TMEM165: variants seen among roughly 807,000 people sequenced by gnomAD.
TMEM165 encodes the protein transmembrane protein 165, also known as putative divalent cation/proton antiporter TMEM165.
A neutral mutation model predicts 30.0 loss-of-function variants in TMEM165; 19 were observed. The ratio of observed to expected loss-of-function variants is 0.63; its 90% CI spans 0.44 to 0.93. The LOEUF (loss-of-function observed/expected upper bound fraction) is 0.93. TMEM165 is among the 40% of genes least tolerant of loss of function. The pLI is 0.00. For synonymous variants in TMEM165, 168 were observed against 162.9 expected (o/e 1.03, Z -0.24); for missense variants, 340 against 417.0 (o/e 0.82, Z 1.61).
At chr4:55,435,727 C>T in intron 3 of TMEM165, 2 of 912,278 alleles carry the variant, frequency 2.2e-6, no homozygotes, top group South Asian at 1.4e-5. Context: ...CTTTCACTCT[C>T]TGGTTTAAAA....
At chr4:55,423,950 T>C (rs1722092088) in intron 4 of TMEM165, 2 of 152,442 alleles carry the variant, frequency 1.3e-5, no homozygotes, top group Admixed American at 6.5e-5. Context: ...CAAAACAAAA[T>C]CACATTCTCA....
At chr4:55,427,222 A>ATGAT (rs1394319522), downstream of TMEM165, among the ~76,000 whole-genome samples, 1 of 148,820 alleles carries the variant, frequency 6.7e-6, no homozygotes, top group East Asian at 2.0e-4. Flanking sequence ...TTTAGTAGAG[A>ATGAT]TGATGGAGTT....
chr4:55,418,222 G>A, intron 4 of TMEM165: 1 of 390,600 alleles, frequency 2.6e-6, no homozygotes, highest in Non-Finnish European at 4.5e-6. Flanking sequence ...TTTCCCTTTG[G>A]TTTTGCCAAA....
At chr4:55,427,364 A>AAT (rs767221436), downstream of TMEM165, among the ~76,000 whole-genome samples, 1 of 150,588 alleles carries the variant, frequency 6.6e-6, no homozygotes, top group Non-Finnish European at 1.5e-5. Flanking sequence ...GTTTGGAGAC[A>AAT]ATCTATCTCA....
At chr4:55,435,389 T>C in intron 3 of TMEM165, 1 of 1,613,364 alleles carries the variant, frequency 6.2e-7, no homozygotes, top group Non-Finnish European at 8.5e-7. Flanking sequence ...CTTCCTCCCT[T>C]GATGTCAAGA....
chr4:55,443,855 G>A lies in TMEM165; in HGVS notation c.409-8384G>A, dbSNP rs749778633. 8.7e-6 allele frequency: 14 copies of A among 1,613,088 alleles called. 1 individual carries two copies. The highest frequency in any genetic ancestry group is 5.3e-5 in the African/African-American group (4 of 74,832). The stretch of plus-strand genomic sequence containing the variant: ...ATGAATTTCCAGAAGAAAGTTGAAC[G>A]GAACCAAAATTCAACCCAGGATTTG... On this transcript the variant is annotated intron_variant, in intron 3 of 3. Transcript: ENST00000608091.
chr4:55,425,589 G>GTC lies in TMEM165; in HGVS notation c.*139_*140dup. The GTC allele has an allele frequency of 1.6e-6, 1 of 637,048 alleles. No homozygotes were observed. The highest frequency in any genetic ancestry group is 2.2e-5 in the South Asian group (1 of 46,320). The allele number at this position is 637,048 out of a possible 1,614,324, so 39.5% of individuals were successfully genotyped here. A position where few individuals can be genotyped will look rare whatever the true frequency, so the allele number is the denominator to read the frequency against. ...TTTTGTGAGTTTGACCCATTATTAT[G>GTC]TCTGAGATATAATCATTGATTCTAT... On this transcript the variant is annotated 3_prime_UTR_variant, in exon 6 of 6. Coordinates refer to ENST00000381334, the MANE Select transcript of TMEM165 (RefSeq NM_018475.5).
intron 3 of TMEM165, among the ~76,000 whole-genome samples, chr4:55,441,072 T>G (rs1178062545): frequency 1.3e-5 from 2 of 152,234 alleles, no homozygotes; most frequent in Non-Finnish European, 2.9e-5. Context: ...TTTATCTTTC[T>G]ATTGCTTTTA....
chr4:55,402,065 C>A (rs1721018480), intron 1 of TMEM165, among the ~76,000 whole-genome samples: 1 of 142,182 alleles, frequency 7.0e-6, no homozygotes, highest in Non-Finnish European at 1.5e-5. Context: ...TTGCAGTGAA[C>A]CAAGATCGTG....
At chr4:55,451,101 T>G (rs944162188) in intron 3 of TMEM165, among the ~76,000 whole-genome samples, 16 of 151,650 alleles carry the variant, frequency 1.1e-4, no homozygotes, top group African/African-American at 3.9e-4. Flanking sequence ...CTGCCCCATT[T>G]CTCTTCTCTT....
intron 1 of TMEM165, among the ~76,000 whole-genome samples, chr4:55,405,941 C>G (rs1390428689): frequency 6.6e-6 from 1 of 152,200 alleles, no homozygotes; most frequent in Non-Finnish European, 1.5e-5. Context: ...ACTTCTTGTT[C>G]TCAGAACATG....
chr4:55,402,635 A>G (rs945539329), intron 1 of TMEM165, among the ~76,000 whole-genome samples: 1 of 142,768 alleles, frequency 7.0e-6, no homozygotes, highest in Non-Finnish European at 1.5e-5. Flanking sequence ...TTTAGTAGAG[A>G]TGGGGTTTTG....
chr4:55,411,725 T>A lies in TMEM165; in HGVS notation c.319T>A (p.Ser107Thr). 1.2e-6 allele frequency: 2 copies of A among 1,614,138 alleles called. No individual in the cohort carries two copies. The highest frequency in any genetic ancestry group is 1.7e-6 in the Non-Finnish European group (2 of 1,180,002). Residue 107 changes from serine (S) to threonine (T), a missense_variant, in exon 2 of 6, where the codon TCT becomes ACT. This residue lies in a region of TMEM165 where 220 missense variants were observed against 307.6 expected (regional missense o/e 0.72). Coordinates refer to ENST00000381334, the MANE Select transcript of TMEM165 (RefSeq NM_018475.5). ...FVAAISVIIV[S>T]ELGDKTFFIA... ...CGCTGCCATATCAGTTATTATTGTA[T>A]CTGAATTGGGTGATAAGACATTTTT...
intron 3 of TMEM165, among the ~76,000 whole-genome samples, chr4:55,450,760 C>T (rs1032387151): frequency 2.5e-5 from 3 of 118,364 alleles, no homozygotes; most frequent in Admixed American, 9.7e-5. Context: ...AAGAGCGAGA[C>T]TCCATCTCAA....
chr4:55,403,557 T>C lies in TMEM165; in HGVS notation c.207+7161T>C, dbSNP rs577018379. On this transcript the variant is annotated intron_variant, in intron 1 of 5. Transcript: ENST00000381334. ...TTAAAATTTTAACTAGAAAAGAGTT[T>C]TTATTAAGCAAGTTTTTTTAAAAAA... 9.6e-5 allele frequency among the ~76,000 whole-genome samples: 11 copies of C among 113,996 alleles called. No individual in the cohort carries two copies. In the East Asian group the frequency reaches 3.8e-3, roughly 39 times the overall value. 74.8% of individuals were successfully genotyped at this position (113,996 alleles called of 152,430 possible). A position where few individuals can be genotyped will look rare whatever the true frequency, so the allele number is the denominator to read the frequency against.
rs754299513 is a variant in TMEM165 at position 55,422,888 on chromosome 4, G to A, written c.793-1650G>A. 3.8e-4 allele frequency among the ~76,000 whole-genome samples: 57 copies of A among 151,926 alleles called. 1 individual carries two copies. Among genetic ancestry groups the A allele is most frequent in the Non-Finnish European group, 1.5e-4 (10 of 67,992 alleles). On this transcript the variant is annotated intron_variant, in intron 4 of 5. Coordinates refer to ENST00000381334, the MANE Select transcript of TMEM165 (RefSeq NM_018475.5). ...CCTGACCTCGTGATCCACCCTCCTC[G>A]GCCTCCCAAAGTGCTGGCATTACAG...
downstream of TMEM165, chr4:55,430,351 TTTTA>T (rs1464709726): frequency 1.3e-5 from 2 of 152,296 alleles, no homozygotes; most frequent in East Asian, 1.9e-4. Flanking sequence ...CTGCAGAGTA[TTTTA>T]TTTAAGAAAA....
In TMEM165 at chr4:55,402,795, C is replaced by CTTTTT. The variant is rs71194554; in HGVS notation, c.207+6409_207+6413dup. On this transcript the variant is annotated intron_variant, in intron 1 of 5. Transcript: ENST00000381334. ...ACATTTTTACAACTTTTAAAAAAAG[C>CTTTTT]TTTTTTTTTTTTTTGAGACGGAGTC... Among the ~76,000 whole-genome samples, 14 of 71,400 alleles carry CTTTTT rather than the reference C, an allele frequency of 2.0e-4. 2 individuals carry two copies. Among genetic ancestry groups the CTTTTT allele is most frequent in the Admixed American group, 7.9e-4 (4 of 5,086 alleles). The allele number at this position is 71,400 out of a possible 152,430, so 46.8% of individuals were successfully genotyped here.
chr4:55,409,224 A>T (rs1721388192), intron 1 of TMEM165, among the ~76,000 whole-genome samples: 1 of 152,208 alleles, frequency 6.6e-6, no homozygotes, highest in Admixed American at 6.5e-5. Flanking sequence ...TCAGAGGTCT[A>T]GTCTTAATGG....
Sources: allele counts gnomAD v4.1 joint callset (sites outside exome capture counted in the v4.1 genomes callset), GRCh38; gene constraint gnomAD v4.1.1; regional missense constraint gnomAD v4.1.1; transcripts MANE v1.5; gene names NCBI Gene and HGNC (gene_info 2026-07-23, HGNC 2026-07-21).